EHD1: variants seen among roughly 807,000 people sequenced by gnomAD.
EHD1 encodes EH domain containing 1, also known as EH domain-containing protein 1.
EHD1 carries 19 observed loss-of-function variants against 39.0 expected under a neutral mutation model. The ratio of observed to expected loss-of-function variants is 0.49; its 90% CI spans 0.34 to 0.72. The LOEUF (loss-of-function observed/expected upper bound fraction) is 0.72, where lower values mean the gene tolerates loss of function less well. Ranked by LOEUF, EHD1 falls within the 30% of genes least tolerant of loss-of-function variation. The pLI, the probability that EHD1 is intolerant of heterozygous loss-of-function variation, is 0.01. For missense variants in EHD1, 542 were observed against 751.5 expected (o/e 0.72, Z 3.26); for synonymous variants, 323 against 331.2 (o/e 0.98, Z 0.27).
intron 2 of EHD1, among the ~76,000 whole-genome samples, chr11:64,862,047 T>C (rs1376456737): frequency 6.6e-6 from 1 of 152,182 alleles, no homozygotes; most frequent in Admixed American, 6.5e-5. Flanking sequence ...TAGCTGGGAC[T>C]ACAGGCGTGT....
chr11:64,859,995 T>A lies in EHD1; in HGVS notation c.844A>T (p.Ile282Phe), dbSNP rs780177579. ...GCGGCGTTTCGGGGCAGTGACTGGATGTCCTTGAAGAGGTCCTGCTCCTCG... is the reference window on the plus strand; with the variant it reads ...GCGGCGTTTCGGGGCAGTGACTGGAAGTCCTTGAAGAGGTCCTGCTCCTCG... ...EAEEQDLFKD[I>F]QSLPRNAALR... is the part of the protein sequence containing the mutation. The change falls in exon 3 of 5, where the codon ATC (isoleucine) becomes TTC (phenylalanine). Residue 282 changes from isoleucine to phenylalanine, a missense_variant. Transcript: ENST00000320631. 1.2e-6 allele frequency: 2 copies of A among 1,613,970 alleles called. No individual in the cohort carries two copies. Among genetic ancestry groups the A allele is most frequent in the Non-Finnish European group, 1.7e-6 (2 of 1,180,012 alleles).
rs200505838 is a variant in EHD1 at position 64,854,790 on chromosome 11, T to C, written c.1148A>G (p.Asp383Gly). Residue 383 changes from aspartate (D) to glycine (G), a missense_variant, in exon 5 of 5, where the codon GAT becomes GGT. Transcript: ENST00000320631. ...ALKPKLLDTV[D>G]DMLANDIARL... is the part of the protein sequence containing the mutation. ...CGCGATGTCGTTGGCCAGCATGTCA[T>C]CCACCGTGTCCAGCAGCTTGGGCTT... 7 of 1,604,654 alleles carry C rather than the reference T, an allele frequency of 4.4e-6. No homozygotes were observed. The South Asian group carries it at 5.5e-5, about 13-fold the overall frequency.
At chr11:64,854,948 A>C in intron 4 of EHD1, 91 bp from the exon 5 acceptor site, 1 of 1,476,792 alleles carries the variant, frequency 6.8e-7, no homozygotes, top group Middle Eastern at 1.9e-4. Context: ...TCACAAGCAT[A>C]AAGTGCTGCT....
At position 64,853,512 on chromosome 11, in the gene EHD1, C is replaced by T. The variant is rs1462710349; in HGVS notation, c.*821G>A. Reference sequence around the variant, plus strand: ...TCCCCGGGTACCCACACCTAATGCCCCCTGGGCAGGGCTGCTCCTTGGCTG... The same window carrying T: ...TCCCCGGGTACCCACACCTAATGCCTCCTGGGCAGGGCTGCTCCTTGGCTG... On this transcript the variant is annotated 3_prime_UTR_variant, in exon 5 of 5. Coordinates refer to ENST00000320631, the MANE Select transcript of EHD1 (RefSeq NM_006795.4). 6.6e-6 allele frequency: 1 copy of T among 152,574 alleles called. No individual in the cohort carries two copies. Among genetic ancestry groups the T allele is most frequent in the Non-Finnish European group, 1.5e-5 (1 of 68,086 alleles). The allele number at this position is 152,574 out of a possible 1,614,324, so 9.5% of individuals were successfully genotyped here. A position where few individuals can be genotyped will look rare whatever the true frequency, so the allele number is the denominator to read the frequency against.
At chr11:64,867,704 G>A (rs977957640) in intron 2 of EHD1, among the ~76,000 whole-genome samples, 4 of 152,156 alleles carry the variant, frequency 2.6e-5, no homozygotes, top group Non-Finnish European at 5.9e-5. Context: ...CCTGGGCAAT[G>A]AGAGTAAAAC....
In EHD1 at chr11:64,853,966, A is replaced by C; in HGVS notation, c.*367T>G. On this transcript the variant is annotated 3_prime_UTR_variant, in exon 5 of 5. Transcript: ENST00000320631. ...GCAGCCTCAGCCTAGCAGCTGCCAA[A>C]AGGGCGACCTGGCTCCCCCACGGTC... 1 of 281,444 alleles carries C rather than the reference A, an allele frequency of 3.6e-6. No individual in the cohort carries two copies. The highest frequency in any genetic ancestry group is 6.8e-6 in the Non-Finnish European group (1 of 146,074). 17.4% of individuals were successfully genotyped at this position (281,444 alleles called of 1,614,324 possible).
chr11:64,855,067 C>A, intron 4 of EHD1: 2 of 832,114 alleles, frequency 2.4e-6, no homozygotes, highest in Non-Finnish European at 3.7e-6. Flanking sequence ...GGCAAGGATT[C>A]ATGGACAGGG....
Position 64,859,924 on chromosome 11 carries a change from C to T in EHD1, c.915G>A (p.Lys305=), listed in dbSNP as rs1943694261. 6.2e-7 allele frequency: 1 copy of T among 1,610,100 alleles called. No individual in the cohort carries two copies. Among genetic ancestry groups the T allele is most frequent in the Non-Finnish European group, 8.5e-7 (1 of 1,177,778 alleles). ...CTGCTCCCCTCACCCCAGGGTCTACCTTGGCCAGCCGTGCCCGCTTGATCA... is the reference window on the plus strand; with the variant it reads ...CTGCTCCCCTCACCCCAGGGTCTACTTTGGCCAGCCGTGCCCGCTTGATCA... ...NDLIKRARLA[K]VHAYIISSLK... Residue 305 remains lysine (K), a splice_region_variant and synonymous_variant, in exon 3 of 5, where the codon AAG becomes AAA. Transcript: ENST00000320631.
rs993947929 is a variant in EHD1, at chr11:64,860,457, G to A, written c.503-121C>T. The A allele has an allele frequency of 4.8e-5, 64 of 1,345,188 alleles. No homozygotes were observed. The Admixed American group carries it at 7.8e-4, about 16-fold the overall frequency. 83.3% of individuals were successfully genotyped at this position (1,345,188 alleles called of 1,614,324 possible). A position where few individuals can be genotyped will look rare whatever the true frequency, so the allele number is the denominator to read the frequency against. ...ATAGTTTTTAAAATTCCTATAGGCC[G>A]GGCGTGGTGGCTCACGCCTGTAATC... On this transcript the variant is annotated intron_variant, in intron 2 of 4. Transcript: ENST00000320631.
At chr11:64,866,061 C>T (rs61250036) in intron 2 of EHD1, among the ~76,000 whole-genome samples, 3 of 152,246 alleles carry the variant, frequency 2.0e-5, no homozygotes, top group East Asian at 3.9e-4. Flanking sequence ...TGCACACATA[C>T]GTCCATTGCA....
Position 64,854,857 on chromosome 11 carries a change from C to G in EHD1, c.1081G>C (p.Glu361Gln). ...GDFPSLRKMQELLQTQDFSKF... is the reference protein window; with the variant it reads ...GDFPSLRKMQQLLQTQDFSKF... ...CTGAAGTCCTGGGTCTGCAGGAGTT[C>G]CTGTGGGCGGGGGAGGAAGGACAAG... The change falls in exon 5 of 5, where the codon GAA (glutamate) becomes CAA (glutamine). Residue 361 changes from glutamate (E) to glutamine (Q), a missense_variant and splice_region_variant. Glu to Gln is a conservative substitution (Grantham distance 29, BLOSUM62 2). Coordinates refer to ENST00000320631, the MANE Select transcript of EHD1 (RefSeq NM_006795.4). 1.3e-6 allele frequency: 2 copies of G among 1,596,714 alleles called. No individual in the cohort carries two copies. The highest frequency in any genetic ancestry group is 1.7e-6 in the Non-Finnish European group (2 of 1,177,684).
At position 64,878,392 on chromosome 11, in the gene EHD1, G is replaced by C. The variant is rs145554262; in HGVS notation, c.73C>G (p.Leu25Val). The C allele has an allele frequency of 1.2e-6, 2 of 1,613,966 alleles. No individual in the cohort carries two copies. Among genetic ancestry groups the C allele is most frequent in the Non-Finnish European group, 1.7e-6 (2 of 1,180,030 alleles). ...AGCTTCTGCGCGTACAGCTGCCGCAGCCCCTCAGCCACCGTCTGGAAGAGC... is the reference window on the plus strand; with the variant it reads ...AGCTTCTGCGCGTACAGCTGCCGCACCCCCTCAGCCACCGTCTGGAAGAGC... ...PELFQTVAEGLRQLYAQKLLP... is the reference protein window; with the variant it reads ...PELFQTVAEGVRQLYAQKLLP... Residue 25 changes from leucine to valine, a missense_variant, in exon 1 of 5, where the codon CTG becomes GTG. Leu to Val is a conservative substitution (Grantham distance 32). Coordinates refer to ENST00000320631, the MANE Select transcript of EHD1 (RefSeq NM_006795.4).
chr11:64,871,933 G>A (rs370807515), intron 2 of EHD1, among the ~76,000 whole-genome samples: 31 of 152,288 alleles, frequency 2.0e-4, no homozygotes, highest in African/African-American at 7.0e-4. Flanking sequence ...CAATCAAAAC[G>A]CCATGCTGTG....
At chr11:64,874,259 G>A (rs921978625) in intron 2 of EHD1, among the ~76,000 whole-genome samples, 162 bp downstream of exon 2, 14 of 144,958 alleles carry the variant, frequency 9.7e-5, no homozygotes, top group Non-Finnish European at 1.5e-4. Flanking sequence ...AGCTGAGATC[G>A]CGCCACTGCA....
At chr11:64,877,368 C>T (rs1274616844) in intron 1 of EHD1, among the ~76,000 whole-genome samples, 2 of 152,290 alleles carry the variant, frequency 1.3e-5, no homozygotes, top group Admixed American at 6.5e-5. Flanking sequence ...CCTCAGTGCA[C>T]AGAAGGGCTT....
Position 64,863,945 on chromosome 11 carries a change from G to A in EHD1, c.503-3609C>T, listed in dbSNP as rs145002376. Among the ~76,000 whole-genome samples the A allele has an allele frequency of 7.6e-4, 116 of 152,342 alleles. 1 individual carries two copies. The highest frequency in any genetic ancestry group is 1.3e-3 in the Non-Finnish European group (87 of 68,022). On this transcript the variant is annotated intron_variant, in intron 2 of 4. Transcript: ENST00000320631. The stretch of plus-strand genomic sequence containing the variant: ...ACAGGGACAGCCTCCTTGGCAGGCT[G>A]GGGCAGGGGAAGCCAGGGCTCTGTG...
chr11:64,870,937 C>A (rs1336344915), intron 2 of EHD1, among the ~76,000 whole-genome samples: 2 of 152,164 alleles, frequency 1.3e-5, no homozygotes, highest in Non-Finnish European at 1.5e-5. Context: ...CCAACCCGGC[C>A]CCCTTCTCGT....
Position 64,868,430 on chromosome 11 carries a change from GC to G in EHD1, c.502+5990del, listed in dbSNP as rs5792335. On this transcript the variant is annotated intron_variant, in intron 2 of 4. Transcript: ENST00000320631. The surrounding 1 kb of genome is among the most constrained non-coding windows in gnomAD (Gnocchi z 4.2). The stretch of plus-strand genomic sequence containing the variant: ...CTGCCCCGGGTGGAACAACCCAAGC[GC>G]CCCAACAGGTGAATGGATGACAACG... 0.049 allele frequency among the ~76,000 whole-genome samples: 7,522 copies of G among 152,230 alleles called. 234 individuals carry two copies. The highest frequency in any genetic ancestry group is 0.07 in the African/African-American group (2,901 of 41,520).
rs751013780 is a variant in EHD1 at position 64,854,764 on chromosome 11, G to T, written c.1174C>A (p.Arg392=). ...TCCTGCCGCACCATCACCATCAGCC[G>T]CGCGATGTCGTTGGCCAGCATGTCA... ...VDDMLANDIA[R]LMVMVRQEES... is the part of the protein sequence containing the mutation. Residue 392 remains arginine (R), a synonymous_variant, in exon 5 of 5, where the codon CGG becomes AGG. Transcript: ENST00000320631. The T allele has an allele frequency of 1.2e-6, 2 of 1,609,338 alleles. No homozygotes were observed. The highest frequency in any genetic ancestry group is 1.7e-6 in the Non-Finnish European group (2 of 1,179,996).
Sources: allele counts gnomAD v4.1 joint callset (sites outside exome capture counted in the v4.1 genomes callset), GRCh38; gene constraint gnomAD v4.1.1; non-coding constraint Gnocchi (gnomAD v3.1); transcripts MANE v1.5; gene names NCBI Gene and HGNC (gene_info 2026-07-23, HGNC 2026-07-21).